BBS1: variants seen among roughly 807,000 people sequenced by gnomAD.
The protein encoded by BBS1 is BBSome complex member BBS1.
A neutral mutation model predicts 73.9 loss-of-function variants in BBS1; 60 were observed. That is an observed-to-expected ratio of 0.81 (90% CI 0.66 to 1.01). The LOEUF is 1.01. Among genes scored for constraint, BBS1 ranks in the 50% least tolerant of loss-of-function variants. The pLI is 0.00. For missense variants in BBS1, 718 were observed against 770.3 expected (o/e 0.93, Z 0.80); for synonymous variants, 283 against 317.4 (o/e 0.89, Z 1.15).
rs139693945 is a variant in BBS1, at chr11:66,519,885, T to C, written c.723+137T>C. ...CTAGATAAGCATTAAAAAAGATATATATCCAAAAATCCTACCGCCTATGGA... is the reference window on the plus strand; with the variant it reads ...CTAGATAAGCATTAAAAAAGATATACATCCAAAAATCCTACCGCCTATGGA... On this transcript the variant is annotated intron_variant, in intron 8 of 16. Coordinates refer to ENST00000318312, the MANE Select transcript of BBS1 (RefSeq NM_024649.5). 3.0e-5 allele frequency: 35 copies of C among 1,180,918 alleles called. No homozygotes were observed. The East Asian group carries it at 5.3e-4, about 18-fold the overall frequency. 73.2% of individuals were successfully genotyped at this position (1,180,918 alleles called of 1,614,324 possible).
chr11:66,511,981 G>T (rs1421808693), intron 3 of BBS1, among the ~76,000 whole-genome samples: 1 of 143,918 alleles, frequency 6.9e-6, no homozygotes. Flanking sequence ...CTGGATGACA[G>T]AGTGAGACAG....
At chr11:66,524,880 C>A (rs985871997) in intron 11 of BBS1, among the ~76,000 whole-genome samples, 7 of 151,606 alleles carry the variant, frequency 4.6e-5, no homozygotes, top group Non-Finnish European at 7.4e-5. Flanking sequence ...CATGGTGAAA[C>A]CCCATCTCTA....
chr11:66,529,029 AT>A (rs1856644991), intron 13 of BBS1: 5 of 969,414 alleles, frequency 5.2e-6, no homozygotes, highest in Non-Finnish European at 4.9e-6. Context: ...AGCCACAAAA[AT>A]TAATTCTGGA....
chr11:66,522,884 C>T (rs932377421), intron 9 of BBS1: 9 of 345,530 alleles, frequency 2.6e-5, no homozygotes, highest in African/African-American at 1.9e-4. Flanking sequence ...GAACACCTCT[C>T]TGTGGAGATG....
At chr11:66,512,076 A>ATATGTG (rs1565280814) in intron 3 of BBS1, among the ~76,000 whole-genome samples, 4 of 147,538 alleles carry the variant, frequency 2.7e-5, no homozygotes, top group African/African-American at 9.9e-5. Flanking sequence ...ATATATATAT[A>ATATGTG]CATATATTTA....
Position 66,514,640 on chromosome 11 carries a change from A to C in BBS1, c.394A>C (p.Asn132His), listed in dbSNP as rs769740017. 2 of 1,613,272 alleles carry C rather than the reference A, an allele frequency of 1.2e-6. No homozygotes were observed. The highest frequency in any genetic ancestry group is 2.2e-5 in the South Asian group (2 of 91,088). ...FKFSLPQLPP[N>H]PLEQDLWNQA... ...GTTCAGCCTGCCCCAATTGCCTCCA[A>C]ATCCTCTGGAACAAGACCTTTGGAA... The change falls in exon 4 of 17, where the codon AAT becomes CAT. Residue 132 changes from asparagine (N) to histidine (H), a missense_variant. Transcript: ENST00000318312.
At chr11:66,510,843 A>C (rs1187194162) in intron 1 of BBS1, 137 bp downstream of exon 1, 2 of 1,403,034 alleles carry the variant, frequency 1.4e-6, no homozygotes. Flanking sequence ...CCGAGGCCTA[A>C]GATGTGCATA....
At chr11:66,510,954 A>G (rs1855928520) in intron 1 of BBS1, 59 bp from the exon 2 acceptor site, 1 of 1,583,418 alleles carries the variant, frequency 6.3e-7, no homozygotes, top group Non-Finnish European at 8.7e-7. Flanking sequence ...AGCTTCCTCA[A>G]AGTTTTTTTT....
chr11:66,526,873 G>C (rs1170961682), intron 13 of BBS1, 66 bp downstream of exon 13: 5 of 1,613,128 alleles, frequency 3.1e-6, no homozygotes, highest in Non-Finnish European at 4.2e-6. Context: ...AAAGCTGGGG[G>C]AATGCTGCCC....
intron 4 of BBS1, among the ~76,000 whole-genome samples, chr11:66,514,929 T>C (rs552706109): frequency 6.6e-6 from 1 of 152,052 alleles, no homozygotes; most frequent in African/African-American, 2.4e-5. Flanking sequence ...AATTCTTCTG[T>C]CTCATCCTCC....
chr11:66,530,140 C>T (rs1481627025), intron 14 of BBS1, among the ~76,000 whole-genome samples, 188 bp downstream of exon 14: 2 of 152,166 alleles, frequency 1.3e-5, no homozygotes, highest in Non-Finnish European at 2.9e-5. Flanking sequence ...CCCTCACCTT[C>T]CCACCCTCCT....
At chr11:66,519,239 C>T (rs1309960201) in intron 7 of BBS1, among the ~76,000 whole-genome samples, 1 of 152,084 alleles carries the variant, frequency 6.6e-6, no homozygotes, top group Non-Finnish European at 1.5e-5. Flanking sequence ...GGCACGGTGG[C>T]GTGCGCCTGT....
chr11:66,524,546 C>T (rs1460651847), intron 11 of BBS1, among the ~76,000 whole-genome samples: 1 of 152,108 alleles, frequency 6.6e-6, no homozygotes, highest in Non-Finnish European at 1.5e-5. Flanking sequence ...GACAGTTCAA[C>T]TGGGCCTCAG....
chr11:66,525,557 C>G (rs982110703), intron 11 of BBS1, among the ~76,000 whole-genome samples: 2 of 152,024 alleles, frequency 1.3e-5, no homozygotes, highest in African/African-American at 2.4e-5. Context: ...AAGTGAGACT[C>G]CATCTCAAAA....
intron 7 of BBS1, among the ~76,000 whole-genome samples, chr11:66,518,072 C>T (rs1266621675): frequency 1.3e-5 from 2 of 151,462 alleles, no homozygotes; most frequent in African/African-American, 4.9e-5. Context: ...ATTCTCCTGC[C>T]GCAGCCTCCC....
At position 66,521,318 on chromosome 11, in the gene BBS1, GA is replaced by G. The variant is rs1565284468; in HGVS notation, c.773del (p.Asp258ValfsTer18). ...PVFLEVSGQF[D>X]VEFRLAAACR... is the part of the protein sequence containing the mutation. ...CTTCCTAGAGGTTTCTGGCCAGTTT[GA>G]TGTTGAGTTCCGGCTTGCCGCGGCC... On this transcript the variant is annotated frameshift_variant, in exon 9 of 17. Transcript: ENST00000318312. LOFTEE classifies it high-confidence loss of function. 1 of 1,614,252 alleles carries G rather than the reference GA, an allele frequency of 6.2e-7. No homozygotes were observed. The highest frequency in any genetic ancestry group is 8.5e-7 in the Non-Finnish European group (1 of 1,180,054).
At chr11:66,524,484 G>C (rs1334873619) in intron 11 of BBS1, among the ~76,000 whole-genome samples, 1 of 151,954 alleles carries the variant, frequency 6.6e-6, no homozygotes, top group Non-Finnish European at 1.5e-5. Context: ...TGACAAGGGT[G>C]GGGGGTGAGA....
intron 13 of BBS1, chr11:66,529,581 A>G: frequency 2.9e-6 from 2 of 693,726 alleles, no homozygotes; most frequent in Admixed American, 4.1e-5. Flanking sequence ...CCAGTGAAGG[A>G]GCTAGATAGT....
intron 3 of BBS1, among the ~76,000 whole-genome samples, chr11:66,512,265 C>G (rs1233458952): frequency 6.6e-6 from 1 of 151,812 alleles, no homozygotes; most frequent in Admixed American, 6.6e-5. Flanking sequence ...AAAATAGTTT[C>G]AAAGAGGTGA....
Sources: gnomAD v4.1 joint callset for allele counts (sites outside exome capture counted in the v4.1 genomes callset) on GRCh38, gnomAD v4.1.1 for gene constraint, MANE v1.5 for transcripts, NCBI Gene and HGNC (gene_info 2026-07-23, HGNC 2026-07-21) for gene names.